The following COG4 variants were observed in gnomAD, a reference collection of about 807,000 sequenced individuals.
COG4 encodes conserved oligomeric Golgi complex subunit 4.
Under a neutral mutation model 95.1 loss-of-function variants are expected in COG4, and 65 were observed. The observed-to-expected ratio is 0.68, with a 90% CI of 0.56 to 0.84. The LOEUF (loss-of-function observed/expected upper bound fraction) is 0.84, where lower values mean the gene tolerates loss of function less well. Ranked by LOEUF, COG4 falls within the 40% of genes least tolerant of loss-of-function variation. The pLI, the probability that COG4 is intolerant of heterozygous loss-of-function variation, is 0.00. For synonymous variants in COG4, 421 were observed against 374.8 expected, an observed-to-expected ratio of 1.12 and a Z score of -1.42; for missense variants, 1,045 against 989.1, an observed-to-expected ratio of 1.06 and a Z score of -0.76.
At chr16:70,521,006 G>GC (rs1195865023) in intron 1 of COG4, among the ~76,000 whole-genome samples, 2 of 152,022 alleles carry the variant, frequency 1.3e-5, no homozygotes, top group African/African-American at 4.8e-5. Context: ...TCCTACCCCA[G>GC]CCCCCCAAAT....
chr16:70,495,219 A>C (rs944895247), intron 12 of COG4, among the ~76,000 whole-genome samples: 1 of 149,390 alleles, frequency 6.7e-6, no homozygotes, highest in Non-Finnish European at 1.5e-5. Context: ...GGCAAAACCC[A>C]GTCTTTACTA....
At chr16:70,510,223 G>A (rs556673962) in intron 5 of COG4, among the ~76,000 whole-genome samples, 1 of 152,216 alleles carries the variant, frequency 6.6e-6, no homozygotes, top group South Asian at 2.1e-4. Context: ...GCATGGTGTA[G>A]CTCCTCTTCC....
At chr16:70,516,993 G>A (rs1449364657) in intron 3 of COG4, among the ~76,000 whole-genome samples, 1 of 151,924 alleles carries the variant, frequency 6.6e-6, no homozygotes, top group African/African-American at 2.4e-5. Flanking sequence ...TCAAACTCCT[G>A]GACTCAAGCA....
At chr16:70,490,019 T>C (rs984750758) in intron 13 of COG4, among the ~76,000 whole-genome samples, 4 of 151,908 alleles carry the variant, frequency 2.6e-5, no homozygotes, top group African/African-American at 7.3e-5. Flanking sequence ...GGTTTCGCCA[T>C]GTTGGCTAGG....
chr16:70,487,822 CT>C (rs577627051), intron 13 of COG4, among the ~76,000 whole-genome samples: 72 of 149,196 alleles, frequency 4.8e-4, no homozygotes, highest in East Asian at 1.2e-3. Flanking sequence ...ACTATTTTTA[CT>C]TTTTTTTTTA....
intron 15 of COG4, 77 bp downstream of exon 15, chr16:70,482,652 G>C: frequency 8.4e-7 from 1 of 1,195,650 alleles, no homozygotes; most frequent in South Asian, 1.2e-5. Flanking sequence ...AGTCTGTTCA[G>C]ATGGCTCTGC....
chr16:70,488,590 C>G (rs1409947546), intron 13 of COG4, among the ~76,000 whole-genome samples: 2 of 152,124 alleles, frequency 1.3e-5, no homozygotes, highest in East Asian at 1.9e-4. Flanking sequence ...TCTTGTTGCC[C>G]AGGCTGGAGT....
chr16:70,496,844 T>C (rs2049350296), intron 11 of COG4, among the ~76,000 whole-genome samples: 1 of 152,212 alleles, frequency 6.6e-6, no homozygotes, highest in African/African-American at 2.4e-5. Flanking sequence ...AGTTTCTTCA[T>C]CTATAAAACA....
intron 2 of COG4, among the ~76,000 whole-genome samples, chr16:70,518,957 A>G (rs1268316534): frequency 6.7e-6 from 1 of 150,022 alleles, no homozygotes; most frequent in Non-Finnish European, 1.5e-5. Flanking sequence ...AGCCTGGGGG[A>G]CAAAAACGAA....
chr16:70,503,279 T>C (rs1172085821), intron 8 of COG4, among the ~76,000 whole-genome samples: 2 of 152,198 alleles, frequency 1.3e-5, no homozygotes, highest in Non-Finnish European at 2.9e-5. Flanking sequence ...CTCAAACTCC[T>C]GGGCTCAAGT....
At position 70,519,742 on chromosome 16, in the gene COG4, G is replaced by A. The variant is rs1455273922; in HGVS notation, c.172-11C>T. ...TCTCTCCACCACTTTCTGAAACACA[G>A]AGAAACATCCTGTCAGCAGAATGAT... On this transcript the variant is annotated splice_polypyrimidine_tract_variant and intron_variant, in intron 1 of 18. Coordinates refer to ENST00000323786, the MANE Select transcript of COG4 (RefSeq NM_015386.3). 5.0e-6 allele frequency: 8 copies of A among 1,599,802 alleles called. No homozygotes were observed. In the Admixed American group the frequency reaches 1.2e-4, roughly 23 times the overall value.
At position 70,517,679 on chromosome 16, in the gene COG4, A is replaced by G. The variant is rs2049852365; in HGVS notation, c.316T>C (p.Cys106Arg). 5 of 1,610,056 alleles carry G rather than the reference A, an allele frequency of 3.1e-6. No individual in the cohort carries two copies. Among genetic ancestry groups the G allele is most frequent in the Non-Finnish European group, 4.2e-6 (5 of 1,178,218 alleles). The change falls in exon 3 of 19, where the codon TGC (cysteine) becomes CGC (arginine). Residue 106 changes from cysteine (C) to arginine (R), a missense_variant. Physicochemically the swap from Cys to Arg is radical, Grantham distance 180 (BLOSUM62 -3). Transcript: ENST00000323786. Reference protein sequence around the residue: ...KQLAGMITFTCNLAENVSSKV... With the variant: ...KQLAGMITFTRNLAENVSSKV... ...CTGGACACATTCTCAGCCAGGTTGC[A>G]GGTAAAGGTGATCATTCCAGCCAGC...
intron 8 of COG4, among the ~76,000 whole-genome samples, chr16:70,502,913 A>T (rs557401750): frequency 9.8e-5 from 15 of 152,320 alleles, no homozygotes; most frequent in Admixed American, 4.6e-4. Context: ...CAATTCAATA[A>T]ACAACGAAGG....
chr16:70,499,363 T>C (rs925390386), intron 9 of COG4, among the ~76,000 whole-genome samples: 6 of 152,224 alleles, frequency 3.9e-5, no homozygotes, highest in Non-Finnish European at 5.9e-5. Context: ...GATCAAGTGA[T>C]AGTCATCACT....
intron 10 of COG4, among the ~76,000 whole-genome samples, 165 bp downstream of exon 10, chr16:70,497,772 C>T (rs758963306): frequency 3.3e-5 from 5 of 152,134 alleles, no homozygotes; most frequent in African/African-American, 1.2e-4. Flanking sequence ...AAGAACACAA[C>T]GACTCCAAAG....
intron 5 of COG4, among the ~76,000 whole-genome samples, 186 bp from the exon 6 acceptor site, chr16:70,510,207 A>G (rs2049671846): frequency 6.6e-6 from 1 of 152,226 alleles, no homozygotes; most frequent in African/African-American, 2.4e-5. Flanking sequence ...AGGACAAGGA[A>G]AGTGAGCATG....
intron 16 of COG4, 113 bp downstream of exon 16, chr16:70,481,979 A>AG (rs556594445): frequency 9.9e-6 from 13 of 1,314,226 alleles, no homozygotes; most frequent in South Asian, 9.5e-5. Flanking sequence ...TCTACAGGTG[A>AG]GGGTTGGAAG....
chr16:70,512,101 C>T, intron 5 of COG4, 138 bp downstream of exon 5: 1 of 830,188 alleles, frequency 1.2e-6, no homozygotes, highest in Non-Finnish European at 2.0e-6. Context: ...TCCAGTCCTG[C>T]ATGGCTACAC....
In COG4 at chr16:70,519,120, CT is replaced by C. The variant is rs779941972; in HGVS notation, c.254+528del. The stretch of plus-strand genomic sequence containing the variant: ...GAGTGGGGCCCTAGGATTTGCATTT[CT>C]TTTTTTTTTTTTTTTTGAGACGGAG... On this transcript the variant is annotated intron_variant, in intron 2 of 18. Transcript: ENST00000323786. Among the ~76,000 whole-genome samples, 55 of 87,806 alleles carry C rather than the reference CT, an allele frequency of 6.3e-4. 2 individuals are homozygous for C. Among genetic ancestry groups the C allele is most frequent in the Middle Eastern group, 5.4e-3 (1 of 184 alleles). The allele number at this position is 87,806 out of a possible 152,430, so 57.6% of individuals were successfully genotyped here.
Sources: gnomAD v4.1 joint callset for allele counts (sites outside exome capture counted in the v4.1 genomes callset) on GRCh38, gnomAD v4.1.1 for gene constraint, MANE v1.5 for transcripts, NCBI Gene and HGNC (gene_info 2026-07-23, HGNC 2026-07-21) for gene names.